The following SLIT3 variants were observed in gnomAD, a reference collection of about 807,000 sequenced individuals.
The protein encoded by SLIT3 is slit homolog 3 protein.
SLIT3 carries 68 observed loss-of-function variants against 184.0 expected under a neutral mutation model. The observed-to-expected ratio is 0.37, with a 90% CI of 0.30 to 0.45. The LOEUF (loss-of-function observed/expected upper bound fraction) is 0.45. Ranked by LOEUF, SLIT3 falls within the 20% of genes least tolerant of loss-of-function variation. The pLI, the probability that SLIT3 is intolerant of heterozygous loss-of-function variation, is 1.00. For synonymous variants in SLIT3, 831 were observed against 828.6 expected, an observed-to-expected ratio of 1.00 and a Z score of -0.05; for missense variants, 1,707 against 2,026.0, an observed-to-expected ratio of 0.84 and a Z score of 3.02.
At position 168,673,166 on chromosome 5, in the gene SLIT3, G is replaced by C; in HGVS notation, c.3841+11C>G. The C allele has an allele frequency of 6.2e-7, 1 of 1,613,606 alleles. No individual in the cohort carries two copies. Among genetic ancestry groups the C allele is most frequent in the Non-Finnish European group, 8.5e-7 (1 of 1,179,568 alleles). On this transcript the variant is annotated intron_variant, in intron 33 of 35. Transcript: ENST00000519560. ...GAGGGAGGTAGAGGTGGTAGGGAAA[G>C]AGGGCATTACCTCCAAGGTAGAGGG... is the stretch of plus-strand genomic sequence containing the variant.
Position 168,671,430 on chromosome 5 carries a change from G to C in SLIT3, c.3895C>G (p.Leu1299Val), listed in dbSNP as rs1456844495. 1 of 1,613,618 alleles carries C rather than the reference G, an allele frequency of 6.2e-7. No individual in the cohort carries two copies. The highest frequency in any genetic ancestry group is 1.3e-5 in the African/African-American group (1 of 74,946). ...SALRQGTDRP[L>V]GGFHGCIHEV... ...TGGATGCATCCGTGGAAGCCGCCTA[G>C]AGGCCGGTCCGTGCCCTGGCGCAAG... The change falls in exon 34 of 36, where the codon CTA (leucine) becomes GTA (valine). Residue 1299 changes from leucine to valine, a missense_variant. Coordinates refer to ENST00000519560, the MANE Select transcript of SLIT3 (RefSeq NM_003062.4).
chr5:168,924,022 A>G (rs1398232282), intron 4 of SLIT3, among the ~76,000 whole-genome samples: 3 of 152,244 alleles, frequency 2.0e-5, no homozygotes, highest in Admixed American at 6.5e-5. Flanking sequence ...TGCAAAGCCT[A>G]AAATAATATC....
At chr5:169,007,305 C>T (rs62379464) in intron 4 of SLIT3, among the ~76,000 whole-genome samples, 5,544 of 152,246 alleles carry the variant, frequency 0.036, 127 homozygotes, top group Middle Eastern at 0.065. Flanking sequence ...TGAAAACAGA[C>T]TAATACAACC....
At chr5:168,740,228 T>TA (rs1763579373) in intron 20 of SLIT3, among the ~76,000 whole-genome samples, 1 of 152,086 alleles carries the variant, frequency 6.6e-6, no homozygotes, top group African/African-American at 2.4e-5. Context: ...CTTGCAAGAC[T>TA]GAATGTGAGA....
rs544943042 is a variant in SLIT3 at position 168,752,938 on chromosome 5, G to A, written c.1973+17C>T. 1 of 1,613,500 alleles carries A rather than the reference G, an allele frequency of 6.2e-7. No individual in the cohort carries two copies. The highest frequency in any genetic ancestry group is 1.1e-5 in the South Asian group (1 of 91,004). On this transcript the variant is annotated intron_variant, in intron 18 of 35. Coordinates refer to ENST00000519560, the MANE Select transcript of SLIT3 (RefSeq NM_003062.4). ...GGGATCCCAGAGTCCGTGGGCAGTG[G>A]ACCCAGGAGAACTTACATGGTGGAC...
intron 9 of SLIT3, among the ~76,000 whole-genome samples, chr5:168,798,220 C>CT (rs575178855): frequency 2.0e-4 from 23 of 112,262 alleles, no homozygotes; most frequent in East Asian, 5.5e-4. Context: ...TCTTCTTCTT[C>CT]TTCTTTTTTT....
intron 19 of SLIT3, 58 bp from the exon 20 acceptor site, chr5:168,748,492 C>A: frequency 6.8e-7 from 1 of 1,470,760 alleles, no homozygotes; most frequent in Non-Finnish European, 8.9e-7. Flanking sequence ...CTAGGGGGAG[C>A]CAGTGAGCAA....
intron 5 of SLIT3, chr5:168,844,965 C>T (rs751276265): frequency 1.2e-4 from 41 of 336,488 alleles, no homozygotes; most frequent in South Asian, 3.3e-4. Flanking sequence ...CAATCCATTA[C>T]GAGCTCTTAC....
At chr5:169,007,834 C>T (rs1755990354) in intron 4 of SLIT3, among the ~76,000 whole-genome samples, 1 of 152,208 alleles carries the variant, frequency 6.6e-6, no homozygotes, top group African/African-American at 2.4e-5. Context: ...CTTGCTGAAG[C>T]ACTCAGGGCC....
intron 4 of SLIT3, among the ~76,000 whole-genome samples, chr5:169,035,780 C>G (rs1051175223): frequency 2.0e-5 from 3 of 152,078 alleles, no homozygotes; most frequent in South Asian, 4.2e-4. Flanking sequence ...CCCAAGGTCA[C>G]ACAGTACTAA....
At chr5:169,087,811 C>T (rs1472211507) in intron 4 of SLIT3, among the ~76,000 whole-genome samples, 1 of 152,146 alleles carries the variant, frequency 6.6e-6, no homozygotes, top group Non-Finnish European at 1.5e-5. Flanking sequence ...TGATTTTTTC[C>T]TTTCTTTATA....
At chr5:168,718,256 G>A (rs1762812206) in intron 23 of SLIT3, 1 of 151,942 alleles carries the variant, frequency 6.6e-6, no homozygotes, top group African/African-American at 2.4e-5. Context: ...GTTTTAAGGA[G>A]AACTCAGGCA....
intron 4 of SLIT3, among the ~76,000 whole-genome samples, chr5:168,972,034 T>A (rs1188065430): frequency 1.3e-5 from 2 of 152,184 alleles, no homozygotes; most frequent in Non-Finnish European, 2.9e-5. Context: ...TGGGAAGTAT[T>A]TGGAGGAGGC....
intron 1 of SLIT3, among the ~76,000 whole-genome samples, chr5:169,292,583 T>G (rs1210135371): frequency 6.6e-6 from 1 of 152,016 alleles, no homozygotes; most frequent in Non-Finnish European, 1.5e-5. Context: ...TGTAGAAAGA[T>G]TTTGAAAAAA....
At chr5:168,982,386 C>T (rs1421941908) in intron 4 of SLIT3, among the ~76,000 whole-genome samples, 2 of 152,186 alleles carry the variant, frequency 1.3e-5, no homozygotes, top group African/African-American at 4.8e-5. Context: ...CACCTAAGGA[C>T]CCTTCAGAGA....
At chr5:169,198,421 G>A (rs1402537053) in intron 3 of SLIT3, among the ~76,000 whole-genome samples, 2 of 152,180 alleles carry the variant, frequency 1.3e-5, no homozygotes, top group African/African-American at 4.8e-5. Context: ...ACTCCATGGA[G>A]GGCCAGGAGA....
chr5:168,711,830 G>C (rs147933965), intron 24 of SLIT3, among the ~76,000 whole-genome samples: 18 of 152,260 alleles, frequency 1.2e-4, no homozygotes, highest in Admixed American at 1.0e-3. Flanking sequence ...AGTTTTTCCT[G>C]TGTAAAATAA....
At chr5:169,050,454 C>T (rs949563937) in intron 4 of SLIT3, among the ~76,000 whole-genome samples, 19 of 152,298 alleles carry the variant, frequency 1.2e-4, no homozygotes, top group Admixed American at 1.0e-3. Context: ...CAAAGTTGGC[C>T]TCTGTTTCTT....
At position 168,926,363 on chromosome 5, in the gene SLIT3, A is replaced by T. The variant is rs1004969888; in HGVS notation, c.414-43027T>A. 2.6e-5 allele frequency among the ~76,000 whole-genome samples: 4 copies of T among 152,186 alleles called. 1 individual carries two copies. The highest frequency in any genetic ancestry group is 9.7e-5 in the African/African-American group (4 of 41,440). On this transcript the variant is annotated intron_variant, in intron 4 of 35. Coordinates refer to ENST00000519560, the MANE Select transcript of SLIT3 (RefSeq NM_003062.4). ...GTCCTGAGAAGGGGCTCATTTCTCT[A>T]AGAGAGAACATATATCTTCAATTAG...
Sources: gnomAD v4.1 joint callset for allele counts (sites outside exome capture counted in the v4.1 genomes callset) on GRCh38, gnomAD v4.1.1 for gene constraint, MANE v1.5 for transcripts, NCBI Gene and HGNC (gene_info 2026-07-23, HGNC 2026-07-21) for gene names.